DAB1: variants seen among roughly 807,000 people sequenced by gnomAD.
DAB1 encodes disabled homolog 1.
DAB1 carries 15 observed loss-of-function variants against 64.6 expected under a neutral mutation model. That is an observed-to-expected ratio of 0.23 (90% CI 0.16 to 0.36). The LOEUF is 0.36. Ranked by LOEUF, DAB1 falls within the 10% of genes least tolerant of loss-of-function variation. The probability of loss-of-function intolerance (pLI) is 1.00; values close to 1 mark genes in which losing one functional copy is unlikely to be tolerated. For missense variants in DAB1, 596 were observed against 706.7 expected, an observed-to-expected ratio of 0.84 and a Z score of 1.78; for synonymous variants, 235 against 251.9, an observed-to-expected ratio of 0.93 and a Z score of 0.64.
chr1:57,012,434 G>A (rs370961482), intron 12 of DAB1, among the ~76,000 whole-genome samples: 30 of 152,274 alleles, frequency 2.0e-4, no homozygotes, highest in Non-Finnish European at 2.8e-4. Context: ...GGTGTCTTGC[G>A]AAGGGTTAAC....
intron 2 of DAB1, among the ~76,000 whole-genome samples, chr1:57,208,080 A>G (rs574165012): frequency 5.3e-5 from 8 of 152,332 alleles, no homozygotes; most frequent in Non-Finnish European, 1.2e-4. Context: ...TAACACTGTC[A>G]TGGGAGTGAG....
chr1:58,447,153 A>G (rs1213049475), intron 3 of DAB1, among the ~76,000 whole-genome samples: 2 of 152,210 alleles, frequency 1.3e-5, no homozygotes, highest in Admixed American at 1.3e-4. Context: ...GTAATGACTA[A>G]TCAGTCACCT....
intron 2 of DAB1, among the ~76,000 whole-genome samples, chr1:57,198,367 A>G (rs1457188697): frequency 6.6e-6 from 1 of 152,192 alleles, no homozygotes; most frequent in Non-Finnish European, 1.5e-5. Flanking sequence ...GGAGAATTAA[A>G]TAGAATGTAA....
At chr1:58,013,331 T>G (rs1030562819) in intron 5 of DAB1, among the ~76,000 whole-genome samples, 5 of 152,128 alleles carry the variant, frequency 3.3e-5, no homozygotes, top group African/African-American at 1.2e-4. Context: ...CATTATTCAT[T>G]TCACCCTAGA....
chr1:57,378,214 G>C (rs1220841917), intron 1 of DAB1, among the ~76,000 whole-genome samples: 1 of 152,132 alleles, frequency 6.6e-6, no homozygotes, highest in Non-Finnish European at 1.5e-5. Context: ...CTCAGTACCG[G>C]CACTCTATTT....
At chr1:58,300,614 G>GAAAGAAAGAAAGAA (rs1557726085) in intron 4 of DAB1, among the ~76,000 whole-genome samples, 6 of 44,682 alleles carry the variant, frequency 1.3e-4, no homozygotes, top group African/African-American at 2.2e-4. Flanking sequence ...GAAAGAAAGA[G>GAAAGAAAGAAAGAA]AGAGAGAGAG....
At chr1:57,978,265 A>G (rs187697214) in intron 5 of DAB1, among the ~76,000 whole-genome samples, 3 of 152,292 alleles carry the variant, frequency 2.0e-5, no homozygotes, top group Admixed American at 6.5e-5. Flanking sequence ...AACACCACAC[A>G]TCTACAACAA....
At chr1:58,219,380 G>A (rs1455998851) in intron 4 of DAB1, among the ~76,000 whole-genome samples, 1 of 152,154 alleles carries the variant, frequency 6.6e-6, no homozygotes, top group South Asian at 2.1e-4. Flanking sequence ...CTTCATCCTT[G>A]ACAAGCACAC....
At chr1:57,204,424 C>T (rs948779429) in intron 2 of DAB1, among the ~76,000 whole-genome samples, 1 of 105,054 alleles carries the variant, frequency 9.5e-6, no homozygotes, top group African/African-American at 3.6e-5. Context: ...TTCCACAGAA[C>T]ACAAAATAAA....
At position 57,444,867 on chromosome 1, in the gene DAB1, C is replaced by T. The variant is rs143829863; in HGVS notation, n.626-153701G>A. On this transcript the variant is annotated intron_variant and non_coding_transcript_variant, in intron 7 of 20. Coordinates refer to the DAB1 transcript ENST00000485760. ...GAACACGTCTGTAGATTTAAGTCACCGTGTTTGTGGTAGTTTATTACAGCA... is the reference window on the plus strand; with the variant it reads ...GAACACGTCTGTAGATTTAAGTCACTGTGTTTGTGGTAGTTTATTACAGCA... Among the ~76,000 whole-genome samples the T allele has an allele frequency of 2.0e-4, 30 of 152,228 alleles. No homozygotes were observed. The East Asian group carries it at 4.2e-3, about 22-fold the overall frequency.
intron 2 of DAB1, among the ~76,000 whole-genome samples, chr1:57,214,547 A>G (rs938508886): frequency 6.6e-6 from 1 of 152,160 alleles, no homozygotes; most frequent in Non-Finnish European, 1.5e-5. Context: ...TTGTAACCCA[A>G]TAGCAATTGC....
At chr1:57,868,457 G>A (rs797013720) in intron 1 of DAB1, among the ~76,000 whole-genome samples, 8 of 152,240 alleles carry the variant, frequency 5.3e-5, no homozygotes, top group South Asian at 4.1e-4. Flanking sequence ...TATTCAGCCT[G>A]GCCTACAAAA....
At position 57,901,074 on chromosome 1, in the gene DAB1, T is replaced by C. The variant is rs575255341; in HGVS notation, n.388-16912A>G. On this transcript the variant is annotated intron_variant and non_coding_transcript_variant, in intron 5 of 20. Transcript: ENST00000485760. ...GCTATCCATATAAAGGAAAAATTAT[T>C]CTAATTTTTACCAAAGAGGAAAACA... is the stretch of plus-strand genomic sequence containing the variant. Among the ~76,000 whole-genome samples the C allele has an allele frequency of 4.0e-4, 61 of 152,248 alleles. No individual in the cohort carries two copies. The South Asian group carries it at 7.7e-3, about 19-fold the overall frequency.
rs145463379 is a variant in DAB1, at chr1:57,589,970, T to C, written n.625+59622A>G. ...TGAAAGAGCACAAATTGGCCCAAAA[T>C]TTATGAAAGGCAATTTGGGCCAAAA... On this transcript the variant is annotated intron_variant and non_coding_transcript_variant, in intron 7 of 20. Transcript: ENST00000485760. Among the ~76,000 whole-genome samples, 1,240 of 152,264 alleles carry C rather than the reference T, an allele frequency of 8.1e-3. 20 individuals are homozygous for C. Among genetic ancestry groups the C allele is most frequent in the African/African-American group, 0.028 (1,150 of 41,544 alleles).
chr1:57,338,568 G>T (rs963695259), intron 1 of DAB1, among the ~76,000 whole-genome samples: 2 of 152,132 alleles, frequency 1.3e-5, no homozygotes, highest in African/African-American at 4.8e-5. Flanking sequence ...TCAAAATGTA[G>T]AAATAAGCTG....
At chr1:57,761,730 G>A (rs760078616) in intron 6 of DAB1, among the ~76,000 whole-genome samples, 4 of 152,202 alleles carry the variant, frequency 2.6e-5, no homozygotes, top group Non-Finnish European at 5.9e-5. Context: ...AGTCAACCCA[G>A]GTTTGTCCCT....
At chr1:58,221,696 G>A (rs1659179958) in intron 4 of DAB1, among the ~76,000 whole-genome samples, 1 of 152,204 alleles carries the variant, frequency 6.6e-6, no homozygotes, top group Non-Finnish European at 1.5e-5. Flanking sequence ...GAAGGTCACT[G>A]GCATAGTGTG....
At chr1:57,047,338 C>T (rs1214239945) in intron 9 of DAB1, among the ~76,000 whole-genome samples, 2 of 152,138 alleles carry the variant, frequency 1.3e-5, no homozygotes, top group African/African-American at 4.8e-5. Context: ...TGGGTCCCTC[C>T]CAAAATTCGT....
intron 4 of DAB1, among the ~76,000 whole-genome samples, chr1:57,104,845 A>G (rs17419873): frequency 0.013 from 1,988 of 152,202 alleles, 32 homozygotes; most frequent in Admixed American, 0.052. Context: ...TAGAGTCTGA[A>G]TTCTGCCAAG....
Sources: allele counts gnomAD v4.1 joint callset (sites outside exome capture counted in the v4.1 genomes callset), GRCh38; gene constraint gnomAD v4.1.1; transcripts MANE v1.5; gene names NCBI Gene and HGNC (gene_info 2026-07-23, HGNC 2026-07-21).